SLC38A6: variants seen among roughly 807,000 people sequenced by gnomAD.
SLC38A6 encodes N system amino acid transporter NAT-1.
SLC38A6 carries 73 observed loss-of-function variants against 65.0 expected under a neutral mutation model. The observed-to-expected ratio is 1.12, with a 90% confidence interval of 0.93 to 1.37. The LOEUF (loss-of-function observed/expected upper bound fraction) is 1.37. Ranked by LOEUF, SLC38A6 falls within the 40% of genes most tolerant of loss-of-function variation. SLC38A6 has a pLI of 0.00. For synonymous variants in SLC38A6, 183 were observed against 178.8 expected (o/e 1.02, Z -0.19); for missense variants, 561 against 531.1 (o/e 1.06, Z -0.55).
At chr14:61,006,847 C>T (rs1387873477) in intron 3 of SLC38A6, among the ~76,000 whole-genome samples, 1 of 152,182 alleles carries the variant, frequency 6.6e-6, no homozygotes, top group Non-Finnish European at 1.5e-5. Flanking sequence ...GACTATAAAT[C>T]ATGCTGCTAT....
chr14:61,061,103 C>T (rs950689525), intron 15 of SLC38A6, among the ~76,000 whole-genome samples: 2 of 152,132 alleles, frequency 1.3e-5, no homozygotes, highest in African/African-American at 4.8e-5. Context: ...ACGCTGGGAG[C>T]TGTAGACCGG....
intron 3 of SLC38A6, among the ~76,000 whole-genome samples, chr14:61,006,545 A>C (rs1388118302): frequency 6.6e-6 from 1 of 152,366 alleles, no homozygotes; most frequent in East Asian, 1.9e-4. Flanking sequence ...AAAAGAAGAC[A>C]TTTATGCAGC....
chr14:61,013,897 G>A lies in SLC38A6; in HGVS notation c.311-2007G>A, dbSNP rs142546743. ...TCTTCTCGTGGAGTATGTTAGTGGC[G>A]TTCTCTGTATTTCCTGAATGTGAAT... On this transcript the variant is annotated intron_variant, in intron 3 of 15. Transcript: ENST00000267488. Among the ~76,000 whole-genome samples the A allele has an allele frequency of 8.6e-3, 1,310 of 152,198 alleles. 22 individuals carry two copies. Among genetic ancestry groups the A allele is most frequent in the African/African-American group, 0.03 (1,232 of 41,508 alleles).
intron 3 of SLC38A6, among the ~76,000 whole-genome samples, chr14:61,000,651 C>A (rs148342914): frequency 1.3e-5 from 2 of 152,096 alleles, no homozygotes; most frequent in South Asian, 2.1e-4. Context: ...AAAAAAAATT[C>A]TTTACATAGC....
intron 8 of SLC38A6, among the ~76,000 whole-genome samples, chr14:61,042,682 T>C (rs1339869859): frequency 3.3e-5 from 5 of 152,204 alleles, no homozygotes; most frequent in Non-Finnish European, 7.4e-5. Context: ...CAGCACTTAA[T>C]GTGTACATCA....
At chr14:61,003,357 C>G (rs899416733) in intron 3 of SLC38A6, among the ~76,000 whole-genome samples, 2 of 151,970 alleles carry the variant, frequency 1.3e-5, no homozygotes, top group Non-Finnish European at 2.9e-5. Flanking sequence ...ATTATTCTAT[C>G]AAAAATACCT....
rs2039430109 is a variant in SLC38A6 at position 61,072,332 on chromosome 14, G to A, written c.1291-6478G>A. On this transcript the variant is annotated intron_variant, in intron 15 of 16. Coordinates refer to the SLC38A6 transcript ENST00000354886. ...ATGCAATGTGAAACAGTCACACCAT[G>A]GAGAATGGGGTATCCATCCCCTCAA... Among the ~76,000 whole-genome samples, 5 of 152,094 alleles carry A rather than the reference G, an allele frequency of 3.3e-5. No individual in the cohort carries two copies. In the South Asian group the frequency reaches 1.0e-3, roughly 32 times the overall value.
At chr14:61,024,515 G>T (rs931691071) in intron 5 of SLC38A6, among the ~76,000 whole-genome samples, 6 of 152,042 alleles carry the variant, frequency 3.9e-5, no homozygotes, top group African/African-American at 7.3e-5. Context: ...CTGTTATAGG[G>T]GACAATTCTG....
intron 4 of SLC38A6, among the ~76,000 whole-genome samples, chr14:61,016,518 T>C (rs2040021342): frequency 6.6e-6 from 1 of 152,198 alleles, no homozygotes; most frequent in Admixed American, 6.5e-5. Flanking sequence ...GATCTACTGC[T>C]TTTCTTACTC....
intron 12 of SLC38A6, among the ~76,000 whole-genome samples, chr14:61,048,503 C>T (rs1308215102): frequency 6.6e-6 from 1 of 152,140 alleles, no homozygotes; most frequent in Non-Finnish European, 1.5e-5. Flanking sequence ...CACTCTATCC[C>T]TCACATATGT....
intron 3 of SLC38A6, among the ~76,000 whole-genome samples, chr14:61,013,667 A>G (rs529253252): frequency 3.6e-4 from 55 of 152,318 alleles, no homozygotes; most frequent in Non-Finnish European, 4.3e-4. Flanking sequence ...TGGATATTAA[A>G]TTCTGGGTTG....
At position 61,068,563 on chromosome 14, in the gene SLC38A6, T is replaced by C. The variant is rs190650736; in HGVS notation, c.1291-10247T>C. On this transcript the variant is annotated intron_variant, in intron 15 of 16. Transcript: ENST00000354886. ...CTTAGAGCATAATTTTCAAAGACCT[T>C]TGCAAGCCGGGCTTCTTATTTAAGC... Among the ~76,000 whole-genome samples the C allele has an allele frequency of 3.9e-5, 6 of 152,302 alleles. No homozygotes were observed. The East Asian group carries it at 1.2e-3, about 29-fold the overall frequency.
intron 15 of SLC38A6, among the ~76,000 whole-genome samples, chr14:61,060,835 C>G (rs1280988653): frequency 8.9e-5 from 10 of 112,144 alleles, no homozygotes; most frequent in Non-Finnish European, 3.7e-5. Flanking sequence ...TGCGCCGTTT[C>G]TTAAGCCGGT....
At chr14:60,982,830 A>G (rs780260612) in intron 2 of SLC38A6, among the ~76,000 whole-genome samples, 192 bp downstream of exon 2, 1 of 152,210 alleles carries the variant, frequency 6.6e-6, no homozygotes, top group South Asian at 2.1e-4. Flanking sequence ...TTAAATACAC[A>G]GAAGTGTGAC....
At chr14:61,042,915 C>G (rs2041895687) in intron 8 of SLC38A6, among the ~76,000 whole-genome samples, 2 of 152,140 alleles carry the variant, frequency 1.3e-5, no homozygotes, top group Admixed American at 1.3e-4. Flanking sequence ...CAGGAGTACC[C>G]TTAGTCTTTA....
At position 61,046,845 on chromosome 14, in the gene SLC38A6, A is replaced by T. The variant is rs188101823; in HGVS notation, c.925+678A>T. ...TTCTGTGTACACCATCAGGAAAAGC[A>T]TTATTTCCAATGTGAGCATGGTGCC... On this transcript the variant is annotated intron_variant, in intron 12 of 15. Transcript: ENST00000267488. Among the ~76,000 whole-genome samples, 180 of 152,306 alleles carry T rather than the reference A, an allele frequency of 1.2e-3. 1 individual carries two copies. Among genetic ancestry groups the T allele is most frequent in the Admixed American group, 2.6e-3 (40 of 15,298 alleles).
At chr14:61,019,990 C>T (rs1266732665) in intron 5 of SLC38A6, among the ~76,000 whole-genome samples, 1 of 152,106 alleles carries the variant, frequency 6.6e-6, no homozygotes, top group African/African-American at 2.4e-5. Context: ...CAAGTATGGA[C>T]AACAGTGTCC....
chr14:61,081,245 A>G (rs2043632632), intron 16 of SLC38A6, among the ~76,000 whole-genome samples: 2 of 152,242 alleles, frequency 1.3e-5, no homozygotes, highest in Admixed American at 1.3e-4. Context: ...AGTTTGATTG[A>G]AGAATGGAAA....
In SLC38A6 at chr14:61,052,492, C is replaced by T. The variant is rs1357398038; in HGVS notation, c.*63C>T. On this transcript the variant is annotated 3_prime_UTR_variant, in exon 16 of 16. Transcript: ENST00000267488. ...CCCTAGTTGCAAGAATGAATTATTC[C>T]GGAAGACACCCTGGATGAAAAATAA... The T allele has an allele frequency of 6.0e-6, 9 of 1,497,804 alleles. No individual in the cohort carries two copies. The highest frequency in any genetic ancestry group is 2.5e-5 in the Admixed American group (1 of 39,266). The allele number at this position is 1,497,804 out of a possible 1,614,324, so 92.8% of individuals were successfully genotyped here. A position where few individuals can be genotyped will look rare whatever the true frequency, so the allele number is the denominator to read the frequency against.
Sources: gnomAD v4.1 joint callset for allele counts (sites outside exome capture counted in the v4.1 genomes callset) on GRCh38, gnomAD v4.1.1 for gene constraint, MANE v1.5 for transcripts, NCBI Gene and HGNC (gene_info 2026-07-23, HGNC 2026-07-21) for gene names.